Variants in SMOC2 observed in about 807,000 individuals in gnomAD.
The protein encoded by SMOC2 is SPARC-related modular calcium-binding protein 2.
A neutral mutation model predicts 61.4 loss-of-function variants in SMOC2; 39 were observed. That is an observed-to-expected ratio of 0.64 (90% confidence interval 0.49 to 0.83). SMOC2 has a LOEUF of 0.83. SMOC2 is among the 40% of genes least tolerant of loss of function. SMOC2 has a pLI of 0.00. For missense variants in SMOC2, 556 were observed against 592.9 expected, an observed-to-expected ratio of 0.94 and a Z score of 0.65; for synonymous variants, 247 against 239.9, an observed-to-expected ratio of 1.03 and a Z score of -0.27.
chr6:168,585,999 T>A (rs949262910), intron 7 of SMOC2, among the ~76,000 whole-genome samples: 1 of 152,210 alleles, frequency 6.6e-6, no homozygotes, highest in African/African-American at 2.4e-5. Context: ...TAAATTTTAA[T>A]GAAGTCCACT....
At chr6:168,549,078 T>C in intron 6 of SMOC2, 51 bp from the exon 7 acceptor site, 1 of 1,473,064 alleles carries the variant, frequency 6.8e-7, no homozygotes. Context: ...TAAGGAACAT[T>C]GTGCTTTCGT....
chr6:168,586,296 A>G (rs902468325), intron 7 of SMOC2, among the ~76,000 whole-genome samples: 5 of 152,142 alleles, frequency 3.3e-5, no homozygotes, highest in African/African-American at 7.2e-5. Context: ...TTGAACATAT[A>G]CATATATTTT....
chr6:168,559,106 T>C (rs1190474550), intron 7 of SMOC2, among the ~76,000 whole-genome samples: 2 of 152,240 alleles, frequency 1.3e-5, no homozygotes, highest in Non-Finnish European at 2.9e-5. Context: ...TGATTACAGA[T>C]TTGGCTTGAA....
chr6:168,584,246 C>T (rs1784994960), intron 7 of SMOC2, among the ~76,000 whole-genome samples: 1 of 152,224 alleles, frequency 6.6e-6, no homozygotes, highest in Non-Finnish European at 1.5e-5. Flanking sequence ...TGAGATAGCT[C>T]CTCCTGCGGA....
chr6:168,526,302 C>G (rs768072965), intron 2 of SMOC2, 44 bp from the exon 3 acceptor site: 2 of 1,530,454 alleles, frequency 1.3e-6, no homozygotes, highest in African/African-American at 1.4e-5. Flanking sequence ...GTTCTATCTT[C>G]TTCCCATTGC....
chr6:168,613,361 C>G (rs536687159), intron 9 of SMOC2, among the ~76,000 whole-genome samples: 1 of 152,270 alleles, frequency 6.6e-6, no homozygotes, highest in South Asian at 2.1e-4. Context: ...AGTGTGAGGA[C>G]AGAGGGGGCG....
At chr6:168,537,791 C>A (rs1783767818) in intron 4 of SMOC2, among the ~76,000 whole-genome samples, 4 of 152,160 alleles carry the variant, frequency 2.6e-5, no homozygotes, top group Non-Finnish European at 4.4e-5. Flanking sequence ...TGGCTGGAGC[C>A]CACAGGGTGG....
chr6:168,512,243 G>A (rs1421654574), intron 2 of SMOC2, among the ~76,000 whole-genome samples: 1 of 152,162 alleles, frequency 6.6e-6, no homozygotes, highest in Non-Finnish European at 1.5e-5. Context: ...GACACAGGAA[G>A]TCGTGGGCAG....
At chr6:168,663,982 A>G in intron 11 of SMOC2, 92 bp from the exon 12 acceptor site, 2 of 1,055,450 alleles carry the variant, frequency 1.9e-6, no homozygotes, top group Non-Finnish European at 2.8e-6. Flanking sequence ...ACCTTCCTAA[A>G]GTGATGTGGA....
intron 1 of SMOC2, among the ~76,000 whole-genome samples, chr6:168,497,901 A>G (rs1452021007): frequency 6.6e-6 from 1 of 152,106 alleles, no homozygotes; most frequent in African/African-American, 2.4e-5. Flanking sequence ...CTGCCTTTAG[A>G]TGGAGACACA....
chr6:168,633,875 G>A (rs1424431527), intron 9 of SMOC2, among the ~76,000 whole-genome samples: 2 of 152,154 alleles, frequency 1.3e-5, no homozygotes, highest in African/African-American at 4.8e-5. Flanking sequence ...GAGGGACCTG[G>A]TGGGAGATAA....
intron 1 of SMOC2, among the ~76,000 whole-genome samples, chr6:168,502,216 C>T (rs1454345475): frequency 6.6e-6 from 1 of 152,232 alleles, no homozygotes; most frequent in African/African-American, 2.4e-5. Flanking sequence ...ATCTTCATAT[C>T]TTTTCCAAAC....
At chr6:168,479,751 G>A (rs1782167462) in intron 1 of SMOC2, among the ~76,000 whole-genome samples, 1 of 152,166 alleles carries the variant, frequency 6.6e-6, no homozygotes, top group Non-Finnish European at 1.5e-5. Flanking sequence ...GATTGCAGCT[G>A]TTGATAACAG....
At chr6:168,560,165 T>C (rs1288657134) in intron 7 of SMOC2, among the ~76,000 whole-genome samples, 2 of 152,246 alleles carry the variant, frequency 1.3e-5, no homozygotes, top group Non-Finnish European at 2.9e-5. Context: ...TTTCCCCTTT[T>C]ATGTACCTGC....
chr6:168,650,787 C>T lies in SMOC2; in HGVS notation c.1010+4C>T, dbSNP rs201186156. On this transcript the variant is annotated splice_donor_region_variant and intron_variant, in intron 10 of 12. Transcript: ENST00000356284. ...ACCCCTCCTCCTCGTCAGGCAGGTA[C>T]GCTGTGTTCGCCGTGGGACAACAAG... The T allele has an allele frequency of 4.5e-5, 73 of 1,607,656 alleles. No individual in the cohort carries two copies. In the East Asian group the frequency reaches 1.2e-3, roughly 26 times the overall value.
chr6:168,612,600 C>G (rs1165209430), intron 9 of SMOC2, among the ~76,000 whole-genome samples: 1 of 152,152 alleles, frequency 6.6e-6, no homozygotes, highest in Admixed American at 6.5e-5. Context: ...CCAGCCTTTA[C>G]TCAAACAGCA....
rs530748114 is a variant in SMOC2, at chr6:168,457,173, C to G, written c.84+15719C>G. On this transcript the variant is annotated intron_variant, in intron 1 of 12. Coordinates refer to ENST00000356284, the MANE Select transcript of SMOC2 (RefSeq NM_001166412.2). ...TTCCACGGTCACCTGGAGATGGCAG[C>G]TCCTCTGGACCGTCCACGAGGGCTG... 8.5e-5 allele frequency among the ~76,000 whole-genome samples: 13 copies of G among 152,336 alleles called. No individual in the cohort carries two copies. In the East Asian group the frequency reaches 2.5e-3, roughly 29 times the overall value.
At chr6:168,497,534 G>C (rs563547559) in intron 1 of SMOC2, among the ~76,000 whole-genome samples, 1 of 152,166 alleles carries the variant, frequency 6.6e-6, no homozygotes. Flanking sequence ...CTGCCTACCC[G>C]GGCAGTGGGC....
intron 9 of SMOC2, among the ~76,000 whole-genome samples, chr6:168,636,825 G>A (rs1786734955): frequency 1.3e-5 from 2 of 150,620 alleles, no homozygotes; most frequent in South Asian, 4.2e-4. Flanking sequence ...CCTGGCCCTG[G>A]CCATCAGTGG....
Sources: allele counts gnomAD v4.1 joint callset (sites outside exome capture counted in the v4.1 genomes callset), GRCh38; gene constraint gnomAD v4.1.1; transcripts MANE v1.5; gene names NCBI Gene and HGNC (gene_info 2026-07-23, HGNC 2026-07-21).